Variants in PRELID2 observed in about 807,000 individuals in gnomAD.
PRELID2 encodes the protein PRELI domain-containing protein 2.
A neutral mutation model predicts 28.4 loss-of-function variants in PRELID2; 25 were observed. The observed-to-expected ratio is 0.88, with a 90% confidence interval of 0.64 to 1.23. PRELID2 has a LOEUF of 1.23. PRELID2 is among the 50% of genes most tolerant of loss of function. PRELID2 has a pLI of 0.00. For missense variants in PRELID2, 201 were observed against 214.4 expected (o/e 0.94, Z 0.39); for synonymous variants, 76 against 71.6 (o/e 1.06, Z -0.31).
the PRELID2 span, among the ~76,000 whole-genome samples, chr5:145,406,798 C>G: frequency 1.3e-5 from 2 of 151,244 alleles, no homozygotes; most frequent in Non-Finnish European, 2.9e-5. Flanking sequence ...CACATTCCCA[C>G]TGGAGAATCT....
At chr5:145,426,670 G>A in the PRELID2 span, among the ~76,000 whole-genome samples, 3 of 151,764 alleles carry the variant, frequency 2.0e-5, no homozygotes, top group African/African-American at 7.3e-5. Context: ...CCTATTGTTG[G>A]GATTGCTATT....
chr5:145,402,692 G>A, the PRELID2 span, among the ~76,000 whole-genome samples: 2 of 152,140 alleles, frequency 1.3e-5, no homozygotes, highest in Non-Finnish European at 2.9e-5. Context: ...CTACAGATAG[G>A]ATTATATGCA....
the PRELID2 span, among the ~76,000 whole-genome samples, chr5:145,347,921 G>C: frequency 6.6e-6 from 1 of 152,122 alleles, no homozygotes; most frequent in East Asian, 1.9e-4. Flanking sequence ...ACTATTGAGG[G>C]AAAGACGCTT....
the PRELID2 span, among the ~76,000 whole-genome samples, chr5:145,323,631 A>T: frequency 6.6e-6 from 1 of 152,114 alleles, no homozygotes; most frequent in Non-Finnish European, 1.5e-5. Context: ...TCCATGTTCA[A>T]GTAAGTCCCA....
At chr5:145,315,874 T>A in the PRELID2 span, among the ~76,000 whole-genome samples, 2 of 152,282 alleles carry the variant, frequency 1.3e-5, no homozygotes, top group African/African-American at 4.8e-5. Flanking sequence ...AAGTTGTACA[T>A]CTTAAACATA....
intron 1 of PRELID2, among the ~76,000 whole-genome samples, chr5:145,506,283 C>T (rs985271957): frequency 6.6e-6 from 1 of 152,112 alleles, no homozygotes; most frequent in African/African-American, 2.4e-5. Context: ...ATTCCCAGTT[C>T]AGAGATTTTG....
chr5:145,234,132 G>A, the PRELID2 span, among the ~76,000 whole-genome samples: 2 of 152,054 alleles, frequency 1.3e-5, no homozygotes, highest in Non-Finnish European at 2.9e-5. Flanking sequence ...TAATCATATG[G>A]CCTTCTGAAA....
At chr5:145,393,207 G>A in the PRELID2 span, among the ~76,000 whole-genome samples, 1 of 152,172 alleles carries the variant, frequency 6.6e-6, no homozygotes, top group Admixed American at 6.5e-5. Flanking sequence ...ATAAGATGGA[G>A]CAGGCACATA....
At chr5:145,507,896 G>A (rs564467451) in intron 1 of PRELID2, among the ~76,000 whole-genome samples, 2 of 152,246 alleles carry the variant, frequency 1.3e-5, no homozygotes, top group South Asian at 4.1e-4. Flanking sequence ...AGGTAGGTAA[G>A]AAACTAACTT....
At chr5:145,690,021 G>T (rs1304804441) in intron 1 of PRELID2, among the ~76,000 whole-genome samples, 5 of 134,934 alleles carry the variant, frequency 3.7e-5, no homozygotes, top group African/African-American at 1.2e-4. Context: ...ACAAAGTCTA[G>T]CTTCATGGCC....
chr5:145,608,520 T>C (rs1031576887), intron 1 of PRELID2, among the ~76,000 whole-genome samples: 15 of 152,214 alleles, frequency 9.9e-5, no homozygotes, highest in African/African-American at 3.4e-4. Flanking sequence ...TGGCTAGATA[T>C]GAAATTCTTG....
rs144851201 is a variant in PRELID2 at position 145,539,928 on chromosome 5, C to A, written n.71-66613G>T. Among the ~76,000 whole-genome samples the A allele has an allele frequency of 3.8e-4, 57 of 151,592 alleles. No individual in the cohort carries two copies. In the East Asian group the frequency reaches 9.7e-3, roughly 26 times the overall value. ...TGAAAAACAACTAGAAAGAAATAAG[C>A]CAAAATGTGCCTCTAAGTAATGAAA... On this transcript the variant is annotated intron_variant and non_coding_transcript_variant, in intron 1 of 2. Coordinates refer to the PRELID2 transcript ENST00000510259.
the PRELID2 span, among the ~76,000 whole-genome samples, chr5:145,436,814 T>C: frequency 6.6e-6 from 1 of 152,136 alleles, no homozygotes; most frequent in African/African-American, 2.4e-5. Context: ...CATTTCCTCC[T>C]TCTTCCTAAC....
the PRELID2 span, among the ~76,000 whole-genome samples, chr5:145,364,785 G>A: frequency 1.6e-4 from 25 of 152,022 alleles, no homozygotes; most frequent in East Asian, 4.4e-3. Flanking sequence ...TTGATTGCTG[G>A]GTGGTAAAAA....
chr5:145,253,105 T>C, the PRELID2 span, among the ~76,000 whole-genome samples: 30 of 152,224 alleles, frequency 2.0e-4, no homozygotes, highest in African/African-American at 7.2e-4. Flanking sequence ...AAGGAAAATA[T>C]CAAGTTGGCA....
intron 1 of PRELID2, among the ~76,000 whole-genome samples, chr5:145,691,714 T>C (rs188580399): frequency 1.3e-5 from 2 of 151,498 alleles, no homozygotes; most frequent in Admixed American, 1.3e-4. Context: ...TGAGACTCCA[T>C]CTCAAAAAAA....
chr5:145,766,348 C>T (rs1581160657), intron 5 of PRELID2, among the ~76,000 whole-genome samples: 1 of 152,056 alleles, frequency 6.6e-6, no homozygotes, highest in South Asian at 2.1e-4. Flanking sequence ...TTAAGAGGCA[C>T]CCATATGATC....
the PRELID2 span, among the ~76,000 whole-genome samples, chr5:145,460,309 C>T: frequency 6.6e-6 from 1 of 152,200 alleles, no homozygotes; most frequent in African/African-American, 2.4e-5. Flanking sequence ...CATCTTATTA[C>T]AGCAGATTGT....
the PRELID2 span, among the ~76,000 whole-genome samples, chr5:145,313,364 T>C: frequency 6.6e-6 from 1 of 152,246 alleles, no homozygotes; most frequent in Non-Finnish European, 1.5e-5. Flanking sequence ...TTTGCCTTCT[T>C]AATTTGAGAA....
Sources: gnomAD v4.1 joint callset for allele counts (sites outside exome capture counted in the v4.1 genomes callset) on GRCh38, gnomAD v4.1.1 for gene constraint, MANE v1.5 for transcripts, NCBI Gene and HGNC (gene_info 2026-07-23, HGNC 2026-07-21) for gene names.